ILDR1: variants seen among roughly 807,000 people sequenced by gnomAD.
ILDR1 encodes immunoglobulin-like domain-containing receptor 1.
ILDR1 carries 56 observed loss-of-function variants against 62.4 expected under a neutral mutation model. The ratio of observed to expected loss-of-function variants is 0.90; its 90% CI spans 0.72 to 1.12. The LOEUF (loss-of-function observed/expected upper bound fraction) is 1.12, where lower values mean the gene tolerates loss of function less well. ILDR1 is among the 50% of genes most tolerant of loss of function. The probability of loss-of-function intolerance (pLI) is 0.00; values close to 1 mark genes in which losing one functional copy is unlikely to be tolerated. For synonymous variants in ILDR1, 284 were observed against 277.8 expected (o/e 1.02, Z -0.22); for missense variants, 736 against 710.6 (o/e 1.04, Z -0.41).
At chr3:122,059,037 C>T in the ILDR1 span, among the ~76,000 whole-genome samples, 32 of 152,172 alleles carry the variant, frequency 2.1e-4, no homozygotes, top group East Asian at 1.9e-3. Flanking sequence ...AGTGGGTTTG[C>T]GCCAGGCAGA....
the ILDR1 span, among the ~76,000 whole-genome samples, chr3:122,029,000 T>C: frequency 6.6e-6 from 1 of 152,198 alleles, no homozygotes; most frequent in African/African-American, 2.4e-5. Flanking sequence ...AATGGAGGAA[T>C]AATAGACAAA....
chr3:122,027,924 G>A, the ILDR1 span, among the ~76,000 whole-genome samples: 2 of 152,196 alleles, frequency 1.3e-5, no homozygotes, highest in Non-Finnish European at 2.9e-5. Flanking sequence ...GAAATTGGAA[G>A]GGACAGTCTC....
At chr3:121,988,482 T>C (rs941371016) in intron 7 of ILDR1, 74 bp from the exon 8 acceptor site, 2 of 1,219,112 alleles carry the variant, frequency 1.6e-6, no homozygotes, top group African/African-American at 3.0e-5. Context: ...ACACATAATG[T>C]GCTCTTGATT....
At chr3:122,025,822 G>A (rs2107685833), upstream of ILDR1, among the ~76,000 whole-genome samples, 1 of 152,324 alleles carries the variant, frequency 6.6e-6, no homozygotes, top group African/African-American at 2.4e-5. Flanking sequence ...AGAAGTGTAA[G>A]TAGCTGATTG....
At position 122,001,670 on chromosome 3, in the gene ILDR1, T is replaced by G; in HGVS notation, c.499+75A>C. Reference sequence around the variant, plus strand: ...AACTTAGGCTTGCTTATTTCTGGTTTTTTTTTTTTTTTCCTGTGAGTAAAA... The same window carrying G: ...AACTTAGGCTTGCTTATTTCTGGTTGTTTTTTTTTTTTCCTGTGAGTAAAA... On this transcript the variant is annotated intron_variant, in intron 4 of 7. Coordinates refer to ENST00000344209, the MANE Select transcript of ILDR1 (RefSeq NM_001199799.2). The G allele has an allele frequency of 6.2e-6, 9 of 1,455,208 alleles. No individual in the cohort carries two copies. In the East Asian group the frequency reaches 8.2e-5, roughly 13 times the overall value. 90.1% of individuals were successfully genotyped at this position (1,455,208 alleles called of 1,614,324 possible). A position where few individuals can be genotyped will look rare whatever the true frequency, so the allele number is the denominator to read the frequency against.
At chr3:121,989,851 T>C (rs1341171554) in intron 7 of ILDR1, among the ~76,000 whole-genome samples, 30 of 143,584 alleles carry the variant, frequency 2.1e-4, no homozygotes, top group Non-Finnish European at 1.1e-4. Context: ...AAGCCCTTGT[T>C]TGTCAATATC....
chr3:122,049,336 A>C, the ILDR1 span, among the ~76,000 whole-genome samples: 1 of 152,140 alleles, frequency 6.6e-6, no homozygotes. Flanking sequence ...TCTTGGGAAA[A>C]ATGTGAATTC....
intron 2 of ILDR1, among the ~76,000 whole-genome samples, chr3:122,006,278 C>T (rs1173213032): frequency 6.6e-6 from 1 of 152,194 alleles, no homozygotes; most frequent in East Asian, 1.9e-4. Flanking sequence ...CTCAAAATCT[C>T]CAAAAAATTA....
At chr3:122,047,430 T>C in the ILDR1 span, among the ~76,000 whole-genome samples, 1 of 152,236 alleles carries the variant, frequency 6.6e-6, no homozygotes, top group Non-Finnish European at 1.5e-5. Context: ...CCTTGAGCTA[T>C]GGTGGGCTCC....
intron 1 of ILDR1, among the ~76,000 whole-genome samples, chr3:122,020,755 C>T (rs545950302): frequency 6.6e-6 from 1 of 152,256 alleles, no homozygotes; most frequent in Non-Finnish European, 1.5e-5. Context: ...ATTTTGGACA[C>T]AAATTGAGGT....
chr3:122,017,603 G>C (rs1175553931), intron 1 of ILDR1, among the ~76,000 whole-genome samples: 2 of 152,170 alleles, frequency 1.3e-5, no homozygotes, highest in African/African-American at 4.8e-5. Context: ...AGAGTGAACA[G>C]GCAGCCTACA....
the ILDR1 span, among the ~76,000 whole-genome samples, chr3:122,032,491 G>T: frequency 1.3e-5 from 2 of 152,006 alleles, no homozygotes; most frequent in African/African-American, 4.8e-5. Context: ...TATAGTTCAG[G>T]GTAAAATTGT....
At chr3:121,992,767 GC>G (rs927180094) in intron 7 of ILDR1, among the ~76,000 whole-genome samples, 1 of 152,208 alleles carries the variant, frequency 6.6e-6, no homozygotes, top group Non-Finnish European at 1.5e-5. Flanking sequence ...AGAAAGCAAA[GC>G]AGCTGTGAAG....
intron 1 of ILDR1, 85 bp from the exon 2 acceptor site, chr3:122,007,246 T>C (rs1559878669): frequency 6.3e-7 from 1 of 1,594,344 alleles, no homozygotes. Flanking sequence ...CAAAAGATAT[T>C]GCCTGCCATC....
chr3:121,989,744 G>C (rs1053440030), intron 7 of ILDR1, among the ~76,000 whole-genome samples: 1 of 152,232 alleles, frequency 6.6e-6, no homozygotes, highest in East Asian at 1.9e-4. Flanking sequence ...TCTGAAGTTG[G>C]GTGGAAGATC....
chr3:122,035,852 G>C, the ILDR1 span, among the ~76,000 whole-genome samples: 1 of 152,206 alleles, frequency 6.6e-6, no homozygotes, highest in Non-Finnish European at 1.5e-5. Flanking sequence ...GTGGGGGATT[G>C]CTACAAAGAT....
At chr3:122,028,251 G>A in the ILDR1 span, among the ~76,000 whole-genome samples, 5 of 150,318 alleles carry the variant, frequency 3.3e-5, no homozygotes, top group East Asian at 9.7e-4. Flanking sequence ...CAGGAGAATG[G>A]CGTGAACCCG....
intron 1 of ILDR1, among the ~76,000 whole-genome samples, chr3:122,018,401 G>T (rs7640335): frequency 8.8e-5 from 12 of 137,018 alleles, no homozygotes; most frequent in East Asian, 2.4e-4. Context: ...GGGTGGGGGG[G>T]GGGTAGGGGA....
chr3:122,054,509 C>T, the ILDR1 span, among the ~76,000 whole-genome samples: 2 of 151,818 alleles, frequency 1.3e-5, no homozygotes, highest in Non-Finnish European at 2.9e-5. Context: ...AGATATTGTT[C>T]TGTTGTTTTT....
Sources: allele counts gnomAD v4.1 joint callset (sites outside exome capture counted in the v4.1 genomes callset), GRCh38; gene constraint gnomAD v4.1.1; transcripts MANE v1.5; gene names NCBI Gene and HGNC (gene_info 2026-07-23, HGNC 2026-07-21).